The following FRAS1 variants were observed in gnomAD, a reference collection of about 807,000 sequenced individuals.
FRAS1 encodes the protein extracellular matrix organizing protein FRAS1.
FRAS1 carries 290 observed loss-of-function variants against 435.2 expected under a neutral mutation model. That is an observed-to-expected ratio of 0.67 (90% CI 0.61 to 0.73). The LOEUF is 0.73. FRAS1 is among the 30% of genes least tolerant of loss of function. The pLI is 0.00. For missense variants in FRAS1, 4,860 were observed against 5,001.5 expected (o/e 0.97, Z 0.85); for synonymous variants, 1,800 against 1,851.0 (o/e 0.97, Z 0.71).
intron 2 of FRAS1, among the ~76,000 whole-genome samples, chr4:78,119,870 T>C (rs1718911702): frequency 6.6e-6 from 1 of 152,204 alleles, no homozygotes; most frequent in African/African-American, 2.4e-5. Context: ...GCAAAACCTC[T>C]TGACTCACAG....
intron 29 of FRAS1, among the ~76,000 whole-genome samples, chr4:78,396,125 A>G (rs557813695): frequency 6.6e-6 from 1 of 152,154 alleles, no homozygotes; most frequent in East Asian, 1.9e-4. Flanking sequence ...AAAACTGTTT[A>G]CTTCTCCCTG....
Position 78,407,757 on chromosome 4 carries a change from C to T in FRAS1, c.4224C>T (p.Thr1408=). ...PDGRTATPTS[T]FTQQDINEGI... is the part of the protein sequence containing the mutation. ...GGAGGACAGCTACCCCCACCAGCAC[C>T]TTCACCCAGCAGGACATCAATGAAG... is the stretch of plus-strand genomic sequence containing the variant. Residue 1408 remains threonine (T), a synonymous_variant, in exon 31 of 74, where the codon ACC becomes ACT. Coordinates refer to ENST00000512123, the MANE Select transcript of FRAS1 (RefSeq NM_025074.7). 6.2e-7 allele frequency: 1 copy of T among 1,613,898 alleles called. No homozygotes were observed. Among genetic ancestry groups the T allele is most frequent in the African/African-American group, 1.3e-5 (1 of 75,016 alleles).
chr4:78,293,519 T>C (rs530537047), intron 14 of FRAS1, among the ~76,000 whole-genome samples: 3 of 152,302 alleles, frequency 2.0e-5, no homozygotes, highest in African/African-American at 7.2e-5. Context: ...CACCCCTCTT[T>C]TTCTTCTCTT....
At chr4:78,245,370 C>T (rs773459307) in intron 4 of FRAS1, 45 bp downstream of exon 4, 36 of 1,305,930 alleles carry the variant, frequency 2.8e-5, no homozygotes, top group Non-Finnish European at 3.4e-5. Context: ...CTGCAGATCT[C>T]TGACAAGGGA....
At chr4:78,430,179 A>G in intron 36 of FRAS1, 113 bp from the exon 37 acceptor site, 1 of 1,232,352 alleles carries the variant, frequency 8.1e-7, no homozygotes. Context: ...CTTTCTGATA[A>G]CAATCAGATT....
intron 2 of FRAS1, among the ~76,000 whole-genome samples, chr4:78,188,129 C>G (rs1176960732): frequency 1.3e-5 from 2 of 152,132 alleles, no homozygotes; most frequent in African/African-American, 4.8e-5. Context: ...TTTGCCTTTT[C>G]CCCTTTCTTT....
At chr4:78,347,028 T>A (rs757528756) in intron 20 of FRAS1, among the ~76,000 whole-genome samples, 17 of 152,196 alleles carry the variant, frequency 1.1e-4, no homozygotes, top group Admixed American at 4.6e-4. Context: ...GATAATCCCC[T>A]CCAGATCCTC....
chr4:78,233,880 G>A (rs913535161), intron 2 of FRAS1, among the ~76,000 whole-genome samples: 6 of 152,158 alleles, frequency 3.9e-5, no homozygotes, highest in Admixed American at 1.3e-4. Flanking sequence ...CTGTAAAATC[G>A]AAATCATAAT....
chr4:78,488,779 C>T (rs1330767785), intron 58 of FRAS1, 96 bp from the exon 59 acceptor site: 3 of 1,138,008 alleles, frequency 2.6e-6, no homozygotes, highest in Non-Finnish European at 3.8e-6. Flanking sequence ...GTGGAGCTCA[C>T]CTGCCAAAAT....
intron 2 of FRAS1, among the ~76,000 whole-genome samples, chr4:78,218,098 T>TCTCTCTCTCACACA (rs368430185): frequency 3.8e-4 from 15 of 39,738 alleles, no homozygotes; most frequent in Admixed American, 1.6e-3. Context: ...TCACTCTCTC[T>TCTCTCTCTCACACA]CACACACACA....
chr4:78,496,934 AC>A lies in FRAS1; in HGVS notation c.9090del (p.Ile3031SerfsTer33). The A allele has an allele frequency of 6.2e-7, 1 of 1,613,640 alleles. No individual in the cohort carries two copies. Among genetic ancestry groups the A allele is most frequent in the Non-Finnish European group, 8.5e-7 (1 of 1,179,640 alleles). ...GARIGKNNMA[T>X]ITISNDEDAP... ...TAGAATTGGAAAGAATAACATGGCC[AC>A]CATCACCATATCCAATGATGAAGAT... On this transcript the variant is annotated frameshift_variant, in exon 60 of 74. Transcript: ENST00000512123. LOFTEE classifies it high-confidence loss of function.
chr4:78,146,654 T>C (rs1720433642), intron 2 of FRAS1, among the ~76,000 whole-genome samples: 1 of 152,194 alleles, frequency 6.6e-6, no homozygotes, highest in Non-Finnish European at 1.5e-5. Context: ...ATACTAGATA[T>C]TTTGAAGCAA....
At chr4:78,180,701 C>T (rs747539560) in intron 2 of FRAS1, among the ~76,000 whole-genome samples, 4 of 151,800 alleles carry the variant, frequency 2.6e-5, no homozygotes, top group Non-Finnish European at 2.9e-5. Context: ...TTCTGTGTAG[C>T]GAGATAAGTT....
chr4:78,294,645 T>C (rs2110198715), intron 14 of FRAS1, among the ~76,000 whole-genome samples: 1 of 152,304 alleles, frequency 6.6e-6, no homozygotes, highest in Admixed American at 6.5e-5. Flanking sequence ...TTGGTTCAAG[T>C]TCTGTGTCTA....
In FRAS1 at chr4:78,539,434, C is replaced by A. The variant is rs763626808; in HGVS notation, c.11439C>A (p.Leu3813=). The change falls in exon 73 of 74, where the codon CTC becomes CTA. Residue 3813 remains leucine (L), a synonymous_variant. Transcript: ENST00000512123. ...VDGFTLKVDA[L]YKVEAGHQWY... is the part of the protein sequence containing the mutation. ...GATTTACTCTAAAAGTAGATGCACT[C>A]TATAAGGTGAGTTTGGTGAGAAGAA... The A allele has an allele frequency of 3.9e-5, 63 of 1,602,434 alleles. No homozygotes were observed. In the Admixed American group the frequency reaches 1.1e-3, roughly 27 times the overall value.
In FRAS1 at chr4:78,210,561, C is replaced by T. The variant is rs950781245; in HGVS notation, c.109-26949C>T. ...TTTCTTGACTTCCACAGAGTGTCAG[C>T]TTTTGCTTTGCCTTCCTCTGCCCCA... On this transcript the variant is annotated intron_variant, in intron 2 of 73. Transcript: ENST00000512123. Among the ~76,000 whole-genome samples, 2 of 152,130 alleles carry T rather than the reference C, an allele frequency of 1.3e-5. 1 individual carries two copies. Among genetic ancestry groups the T allele is most frequent in the Admixed American group, 1.3e-4 (2 of 15,280 alleles).
intron 2 of FRAS1, among the ~76,000 whole-genome samples, chr4:78,219,393 CT>C (rs1212213686): frequency 6.6e-6 from 1 of 152,006 alleles, no homozygotes; most frequent in African/African-American, 2.4e-5. Flanking sequence ...GTATTATCTG[CT>C]TATAAACAGT....
At chr4:78,432,957 A>G (rs1475779101) in intron 38 of FRAS1, among the ~76,000 whole-genome samples, 1 of 152,228 alleles carries the variant, frequency 6.6e-6, no homozygotes, top group Non-Finnish European at 1.5e-5. Context: ...TTTAGAGCTT[A>G]TGTGATCAAT....
At chr4:78,098,012 C>G (rs1471409045) in intron 2 of FRAS1, among the ~76,000 whole-genome samples, 1 of 152,036 alleles carries the variant, frequency 6.6e-6, no homozygotes, top group Non-Finnish European at 1.5e-5. Flanking sequence ...GACTTCCAGC[C>G]TCCAGAACTG....
Sources: gnomAD v4.1 joint callset for allele counts (sites outside exome capture counted in the v4.1 genomes callset) on GRCh38, gnomAD v4.1.1 for gene constraint, MANE v1.5 for transcripts, NCBI Gene and HGNC (gene_info 2026-07-23, HGNC 2026-07-21) for gene names.